SLC2A9: variants seen among roughly 807,000 people sequenced by gnomAD.
SLC2A9 encodes solute carrier family 2, facilitated glucose transporter member 9.
SLC2A9 carries 39 observed loss-of-function variants against 50.6 expected under a neutral mutation model. That is an observed-to-expected ratio of 0.77 (90% confidence interval 0.60 to 1.01). The LOEUF (loss-of-function observed/expected upper bound fraction) is 1.01, where lower values mean the gene tolerates loss of function less well. SLC2A9 is among the 50% of genes least tolerant of loss of function. The pLI, the probability that SLC2A9 is intolerant of heterozygous loss-of-function variation, is 0.00. For missense variants in SLC2A9, 686 were observed against 677.6 expected (o/e 1.01, Z -0.14); for synonymous variants, 324 against 276.9 (o/e 1.17, Z -1.69).
chr4:9,908,356 G>A lies in SLC2A9; in HGVS notation c.1003-11C>T. 1 of 1,561,644 alleles carries A rather than the reference G, an allele frequency of 6.4e-7. No individual in the cohort carries two copies. Among genetic ancestry groups the A allele is most frequent in the South Asian group, 1.1e-5 (1 of 90,102 alleles). ...GGTATAGAACCAAATCTGTAATTCA[G>A]GAAAGAATGAGCAGAGAGAATGGTC... On this transcript the variant is annotated splice_polypyrimidine_tract_variant and intron_variant, in intron 7 of 11. Transcript: ENST00000264784.
At chr4:9,925,082 T>TC (rs1744658652) in intron 6 of SLC2A9, among the ~76,000 whole-genome samples, 1 of 151,570 alleles carries the variant, frequency 6.6e-6, no homozygotes, top group African/African-American at 2.4e-5. Flanking sequence ...ATCTGGAGGC[T>TC]CCCCCCATCT....
chr4:9,798,102 A>G (rs570978399), downstream of SLC2A9, among the ~76,000 whole-genome samples: 36 of 152,100 alleles, frequency 2.4e-4, no homozygotes, highest in Non-Finnish European at 4.4e-4. Flanking sequence ...GGTCCTTTGG[A>G]GGGATTTTAG....
intron 8 of SLC2A9, among the ~76,000 whole-genome samples, chr4:9,900,537 G>C (rs531433922): frequency 6.6e-6 from 1 of 152,212 alleles, no homozygotes; most frequent in South Asian, 2.1e-4. Context: ...TTTTCTGCTT[G>C]GGGATGCTGG....
intron 3 of SLC2A9, among the ~76,000 whole-genome samples, chr4:9,802,656 G>A (rs546938961): frequency 1.1e-4 from 16 of 149,260 alleles, no homozygotes; most frequent in Non-Finnish European, 2.4e-4. Flanking sequence ...TTTACCTCAA[G>A]GTTCAAGCAA....
rs1463363647 is a variant in SLC2A9 at position 9,783,053 on chromosome 4, G to T, written n.386-2988C>A. The T allele has an allele frequency of 2.5e-6, 4 of 1,614,208 alleles. No individual in the cohort carries two copies. In the South Asian group the frequency reaches 3.3e-5, roughly 13 times the overall value. On this transcript the variant is annotated intron_variant and non_coding_transcript_variant, in intron 3 of 3. Coordinates refer to the SLC2A9 transcript ENST00000503803. ...CCCCTGCGTCAGTGAGACCACCTTCGACGTCTTCGTCTGGTTCGGCTGGGC... is the reference window on the plus strand; with the variant it reads ...CCCCTGCGTCAGTGAGACCACCTTCTACGTCTTCGTCTGGTTCGGCTGGGC...
At chr4:9,822,058 G>C (rs1724475700), downstream of SLC2A9, among the ~76,000 whole-genome samples, 1 of 152,148 alleles carries the variant, frequency 6.6e-6, no homozygotes, top group Non-Finnish European at 1.5e-5. Context: ...ATATCTGTAG[G>C]GTCTGTAGGG....
At chr4:9,978,230 T>G (rs1233708052) in intron 5 of SLC2A9, among the ~76,000 whole-genome samples, 1 of 152,214 alleles carries the variant, frequency 6.6e-6, no homozygotes, top group South Asian at 2.1e-4. Context: ...AAGAAAGACG[T>G]GGGCTGTACC....
intron 3 of SLC2A9, among the ~76,000 whole-genome samples, chr4:9,785,778 T>C (rs1055789841): frequency 1.3e-5 from 2 of 152,224 alleles, no homozygotes; most frequent in East Asian, 1.9e-4. Context: ...AGGGGAGAGA[T>C]AAGCCAATAA....
chr4:9,776,608 TAG>T (rs1264030400), downstream of SLC2A9, among the ~76,000 whole-genome samples: 2 of 152,088 alleles, frequency 1.3e-5, no homozygotes, highest in African/African-American at 2.4e-5. Flanking sequence ...CAGTATTTGC[TAG>T]AGTTTTGTGG....
At chr4:10,002,439 T>C (rs552911813) in intron 2 of SLC2A9, among the ~76,000 whole-genome samples, 1 of 152,342 alleles carries the variant, frequency 6.6e-6, no homozygotes, top group East Asian at 1.9e-4. Context: ...GGGAGGCTTT[T>C]GTGGTGGAGC....
At chr4:10,006,889 C>G (rs1760880007) in intron 2 of SLC2A9, among the ~76,000 whole-genome samples, 1 of 151,900 alleles carries the variant, frequency 6.6e-6, no homozygotes, top group Non-Finnish European at 1.5e-5. Flanking sequence ...ATGTGACCAC[C>G]CCCCGAGAAA....
rs552134974 is a variant in SLC2A9, at chr4:9,774,400, G to T, written n.182-3031C>A. 4.6e-5 allele frequency among the ~76,000 whole-genome samples: 7 copies of T among 152,322 alleles called. No homozygotes were observed. In the South Asian group the frequency reaches 1.5e-3, roughly 32 times the overall value. ...TTCCTGCCTCTGAGCCTTTGCCCGT[G>T]ATGTTCCCTCTGTTAGGGTCGTGCT... On this transcript the variant is annotated intron_variant and non_coding_transcript_variant, in intron 1 of 1. Coordinates refer to the SLC2A9 transcript ENST00000508585.
intron 3 of SLC2A9, among the ~76,000 whole-genome samples, chr4:9,988,904 TG>T (rs1269845038): frequency 6.6e-6 from 1 of 152,224 alleles, no homozygotes; most frequent in African/African-American, 2.4e-5. Context: ...TGCTTTAACT[TG>T]GTGCAGAGCA....
rs1246419275 is a variant in SLC2A9 at position 10,035,698 on chromosome 4, C to T, written c.-41+4432G>A. On this transcript the variant is annotated intron_variant, in intron 1 of 12. Coordinates refer to the SLC2A9 transcript ENST00000309065. ...GACTGAAGGGAGCAGATCTGCCCTC[C>T]AGTGGGGGGCAGGCACCATCCATTG... is the stretch of plus-strand genomic sequence containing the variant. The T allele has an allele frequency of 2.0e-5, 3 of 152,326 alleles. No individual in the cohort carries two copies. The East Asian group carries it at 5.8e-4, about 29-fold the overall frequency. The allele number at this position is 152,326 out of a possible 1,614,324, so 9.4% of individuals were successfully genotyped here. A position where few individuals can be genotyped will look rare whatever the true frequency, so the allele number is the denominator to read the frequency against.
intron 5 of SLC2A9, among the ~76,000 whole-genome samples, chr4:9,944,439 C>G (rs1748743984): frequency 6.6e-6 from 1 of 152,172 alleles, no homozygotes; most frequent in Admixed American, 6.5e-5. Context: ...TATGGCATAG[C>G]CTTTGATCCC....
At chr4:9,855,008 G>A (rs1730511796) in intron 10 of SLC2A9, among the ~76,000 whole-genome samples, 1 of 152,148 alleles carries the variant, frequency 6.6e-6, no homozygotes, top group Non-Finnish European at 1.5e-5. Flanking sequence ...ACATCATACT[G>A]AGTGGGCAAA....
intron 3 of SLC2A9, among the ~76,000 whole-genome samples, chr4:9,989,623 T>G (rs538639222): frequency 3.0e-4 from 45 of 152,120 alleles, no homozygotes; most frequent in South Asian, 1.5e-3. Context: ...TGCAAGGTTC[T>G]CCCAACCAGG....
At position 9,847,504 on chromosome 4, in the gene SLC2A9, G is replaced by A. The variant is rs141600740; in HGVS notation, c.1292-12496C>T. ...ACAGAGCCAAACCATATTGGCAAAGGCCCAATCAATATCAATGATTACGGC... is the reference window on the plus strand; with the variant it reads ...ACAGAGCCAAACCATATTGGCAAAGACCCAATCAATATCAATGATTACGGC... On this transcript the variant is annotated intron_variant, in intron 10 of 11. Transcript: ENST00000264784. Among the ~76,000 whole-genome samples, 14 of 152,318 alleles carry A rather than the reference G, an allele frequency of 9.2e-5. No individual in the cohort carries two copies. In the East Asian group the frequency reaches 2.5e-3, roughly 27 times the overall value.
intron 11 of SLC2A9, among the ~76,000 whole-genome samples, chr4:9,828,001 C>T (rs1725418467): frequency 6.6e-6 from 1 of 152,190 alleles, no homozygotes; most frequent in Non-Finnish European, 1.5e-5. Flanking sequence ...ATCAATTTTG[C>T]ATTCAACATC....
Sources: gnomAD v4.1 joint callset for allele counts (sites outside exome capture counted in the v4.1 genomes callset) on GRCh38, gnomAD v4.1.1 for gene constraint, MANE v1.5 for transcripts, NCBI Gene and HGNC (gene_info 2026-07-23, HGNC 2026-07-21) for gene names.